SLC35F3: variants seen among roughly 807,000 people sequenced by gnomAD.
SLC35F3 encodes the protein solute carrier family 35 member F3.
SLC35F3 carries 25 observed loss-of-function variants against 49.9 expected under a neutral mutation model. That is an observed-to-expected ratio of 0.50 (90% CI 0.37 to 0.70). The LOEUF is 0.70. Among genes scored for constraint, SLC35F3 ranks in the 30% least tolerant of loss-of-function variants. SLC35F3 has a pLI of 0.00. For synonymous variants in SLC35F3, 275 were observed against 265.4 expected, an observed-to-expected ratio of 1.04 and a Z score of -0.35; for missense variants, 525 against 639.8, an observed-to-expected ratio of 0.82 and a Z score of 1.94.
At chr1:234,137,106 A>C (rs1266604365) in intron 2 of SLC35F3, among the ~76,000 whole-genome samples, 1 of 152,262 alleles carries the variant, frequency 6.6e-6, no homozygotes, top group African/African-American at 2.4e-5. Flanking sequence ...TAACCAATCC[A>C]AATAACACAG....
At chr1:234,260,334 C>A (rs1467890754) in intron 3 of SLC35F3, among the ~76,000 whole-genome samples, 1 of 152,138 alleles carries the variant, frequency 6.6e-6, no homozygotes, top group African/African-American at 2.4e-5. Context: ...TCTTCTACTT[C>A]ATTATGTTCT....
At chr1:234,232,519 CAAAAA>C (rs536692686) in intron 3 of SLC35F3, among the ~76,000 whole-genome samples, 89 of 72,366 alleles carry the variant, frequency 1.2e-3, no homozygotes, top group Admixed American at 3.1e-3. Context: ...CAGGCCTAGT[CAAAAA>C]AAAAAAAAAA....
intron 2 of SLC35F3, among the ~76,000 whole-genome samples, chr1:234,035,471 C>G (rs1664128755): frequency 1.3e-5 from 2 of 152,078 alleles, no homozygotes; most frequent in African/African-American, 2.4e-5. Flanking sequence ...TTATTTTCAT[C>G]TATTGGAACA....
chr1:234,030,197 C>T (rs1664040154), intron 2 of SLC35F3, among the ~76,000 whole-genome samples: 1 of 152,190 alleles, frequency 6.6e-6, no homozygotes, highest in Non-Finnish European at 1.5e-5. Flanking sequence ...CAGTTTCCCA[C>T]AGAAACGGTG....
intron 2 of SLC35F3, among the ~76,000 whole-genome samples, chr1:234,049,710 C>T (rs1050965248): frequency 6.6e-6 from 1 of 152,084 alleles, no homozygotes; most frequent in Non-Finnish European, 1.5e-5. Context: ...CATATGTATA[C>T]ATGTGCCATG....
intron 2 of SLC35F3, among the ~76,000 whole-genome samples, chr1:233,976,058 G>A (rs113671848): frequency 6.6e-5 from 10 of 152,252 alleles, no homozygotes; most frequent in African/African-American, 2.4e-4. Flanking sequence ...AAAATATGCT[G>A]GGTTATATAA....
intron 2 of SLC35F3, among the ~76,000 whole-genome samples, chr1:234,229,468 C>T (rs1288942789): frequency 6.6e-6 from 1 of 152,208 alleles, no homozygotes; most frequent in Non-Finnish European, 1.5e-5. Flanking sequence ...ATGATTTTCT[C>T]CTTCATTGTA....
At chr1:234,263,981 C>G (rs1241958874) in intron 3 of SLC35F3, among the ~76,000 whole-genome samples, 8 of 152,118 alleles carry the variant, frequency 5.3e-5, no homozygotes, top group Admixed American at 5.2e-4. Context: ...TAGTGGCAGG[C>G]ACCTGTAATC....
intron 2 of SLC35F3, among the ~76,000 whole-genome samples, chr1:234,065,941 G>T (rs556223235): frequency 6.6e-6 from 1 of 152,168 alleles, no homozygotes; most frequent in Non-Finnish European, 1.5e-5. Context: ...TGACGTTGTC[G>T]TGAGGTCAGT....
Position 234,214,588 on chromosome 1 carries a change from G to A in SLC35F3, c.284-16829G>A. The A allele has an allele frequency of 6.5e-7, 1 of 1,527,904 alleles. No individual in the cohort carries two copies. Among genetic ancestry groups the A allele is most frequent in the Non-Finnish European group, 8.8e-7 (1 of 1,138,318 alleles). The allele number at this position is 1,527,904 out of a possible 1,614,324, so 94.6% of individuals were successfully genotyped here. A position where few individuals can be genotyped will look rare whatever the true frequency, so the allele number is the denominator to read the frequency against. On this transcript the variant is annotated intron_variant, in intron 2 of 7. Transcript: ENST00000366618. This position sits in a 1 kb window ranked among gnomAD's most constrained non-coding sequence, Gnocchi z 8.0. ...CCAAAGTGGAAGGTAATGCGCGGCC[G>A]CCTCGCCCCGGGGGTCCCTGCACCC...
chr1:234,025,394 A>G (rs1009625166), intron 2 of SLC35F3, among the ~76,000 whole-genome samples: 27 of 152,184 alleles, frequency 1.8e-4, no homozygotes, highest in African/African-American at 6.3e-4. Context: ...GAAATCTCCA[A>G]ACTGCTTCTC....
At chr1:234,065,074 T>C (rs932835872) in intron 2 of SLC35F3, among the ~76,000 whole-genome samples, 2 of 152,162 alleles carry the variant, frequency 1.3e-5, no homozygotes, top group African/African-American at 2.4e-5. Context: ...AAGTTTTTAC[T>C]GTATGCTTAC....
intron 2 of SLC35F3, among the ~76,000 whole-genome samples, chr1:233,956,902 C>G (rs1441436298): frequency 6.6e-6 from 1 of 152,192 alleles, no homozygotes; most frequent in Non-Finnish European, 1.5e-5. Context: ...GTGCCCCCGC[C>G]TAGTGGTGGA....
chr1:234,297,810 A>AG (rs895423013), intron 3 of SLC35F3, among the ~76,000 whole-genome samples: 3 of 152,066 alleles, frequency 2.0e-5, no homozygotes, highest in East Asian at 1.9e-4. Flanking sequence ...CCAAAGGATA[A>AG]GGGGGGCAGA....
At chr1:234,251,430 A>G (rs1020461691) in intron 3 of SLC35F3, among the ~76,000 whole-genome samples, 8 of 149,374 alleles carry the variant, frequency 5.4e-5, no homozygotes, top group African/African-American at 1.5e-4. Context: ...GAAACTATAT[A>G]TATAGAAGAA....
chr1:233,988,060 A>G (rs1289606753), intron 2 of SLC35F3, among the ~76,000 whole-genome samples: 1 of 151,908 alleles, frequency 6.6e-6, no homozygotes, highest in African/African-American at 2.4e-5. Flanking sequence ...ATTTCCTCTC[A>G]TGTCTGTGAT....
In SLC35F3 at chr1:234,257,073, G is replaced by A. The variant is rs1572118965; in HGVS notation, c.608+25332G>A. ...CAACTTAAAACGGGTGCATTTTATT[G>A]TATGTAAATTATACTTTAATGAGGT... is the stretch of plus-strand genomic sequence containing the variant. On this transcript the variant is annotated intron_variant, in intron 3 of 7. Transcript: ENST00000366618. Among the ~76,000 whole-genome samples, 3 of 152,210 alleles carry A rather than the reference G, an allele frequency of 2.0e-5. No individual in the cohort carries two copies. In the East Asian group the frequency reaches 5.8e-4, roughly 29 times the overall value.
intron 2 of SLC35F3, among the ~76,000 whole-genome samples, chr1:233,987,701 A>T (rs551610726): frequency 6.6e-6 from 1 of 152,004 alleles, no homozygotes; most frequent in African/African-American, 2.4e-5. Flanking sequence ...TTATTTGCTC[A>T]TTCATTCCCT....
At chr1:234,223,607 C>G (rs565267254) in intron 2 of SLC35F3, among the ~76,000 whole-genome samples, 1 of 152,202 alleles carries the variant, frequency 6.6e-6, no homozygotes, top group South Asian at 2.1e-4. Context: ...TATTTATAAC[C>G]CAATAAAGTT....
Sources: allele counts gnomAD v4.1 joint callset (sites outside exome capture counted in the v4.1 genomes callset), GRCh38; gene constraint gnomAD v4.1.1; non-coding constraint Gnocchi (gnomAD v3.1); transcripts MANE v1.5; gene names NCBI Gene and HGNC (gene_info 2026-07-23, HGNC 2026-07-21).